Variants in DNAH6 observed in about 807,000 individuals in gnomAD.
DNAH6 encodes dynein axonemal heavy chain 6, also known as axonemal beta dynein heavy chain 6.
DNAH6 carries 340 observed loss-of-function variants against 491.4 expected under a neutral mutation model. The ratio of observed to expected loss-of-function variants is 0.69; its 90% CI spans 0.63 to 0.76. The LOEUF (loss-of-function observed/expected upper bound fraction) is 0.76, where lower values mean the gene tolerates loss of function less well. Ranked by LOEUF, DNAH6 falls within the 30% of genes least tolerant of loss-of-function variation. The pLI, the probability that DNAH6 is intolerant of heterozygous loss-of-function variation, is 0.00. For missense variants in DNAH6, 4,443 were observed against 4,972.2 expected (o/e 0.89, Z 3.20); for synonymous variants, 1,603 against 1,686.1 (o/e 0.95, Z 1.21).
intron 71 of DNAH6, among the ~76,000 whole-genome samples, chr2:84,806,215 A>G (rs1192368): frequency 1.3e-5 from 2 of 152,090 alleles, no homozygotes; most frequent in African/African-American, 4.8e-5. Context: ...ATAGAGAACA[A>G]TTCCACTAAA....
At chr2:84,610,825 CTGA>C (rs1187129629) in intron 21 of DNAH6, among the ~76,000 whole-genome samples, 1 of 152,198 alleles carries the variant, frequency 6.6e-6, no homozygotes, top group Non-Finnish European at 1.5e-5. Flanking sequence ...GCCTTCTGGA[CTGA>C]TGATTGAGCC....
In DNAH6 at chr2:84,813,975, T is replaced by G; in HGVS notation, c.12003T>G (p.Thr4001=). The G allele has an allele frequency of 6.4e-7, 1 of 1,551,730 alleles. No individual in the cohort carries two copies. The highest frequency in any genetic ancestry group is 8.7e-7 in the Non-Finnish European group (1 of 1,146,994). The change falls in exon 75 of 77, where the codon ACT becomes ACG. Residue 4001 remains threonine, a synonymous_variant. Coordinates refer to ENST00000389394, the MANE Select transcript of DNAH6 (RefSeq NM_001370.2). ...FFFPQGFLTG[T]LQNHARKYNL... ...TTCCGATTTTCACAATTACAGGAAC[T>G]CTTCAAAATCATGCTCGAAAATACA...
At chr2:84,623,922 A>G (rs1397070234) in intron 26 of DNAH6, among the ~76,000 whole-genome samples, 1 of 152,182 alleles carries the variant, frequency 6.6e-6, no homozygotes, top group Non-Finnish European at 1.5e-5. Flanking sequence ...ACTCTCCTCT[A>G]GAGAATCATC....
the DNAH6 span, among the ~76,000 whole-genome samples, chr2:84,468,440 T>C: frequency 6.6e-6 from 1 of 152,216 alleles, no homozygotes; most frequent in East Asian, 1.9e-4. Flanking sequence ...AGCTTGAATA[T>C]CTGTTTTTAA....
rs1056202763 is a variant in DNAH6 at position 84,756,645 on chromosome 2, A to G, written c.10513-6110A>G. 7.9e-5 allele frequency among the ~76,000 whole-genome samples: 12 copies of G among 152,326 alleles called. 1 individual carries two copies. The highest frequency in any genetic ancestry group is 5.9e-4 in the Admixed American group (9 of 15,300). ...TCCTTATTCCCAAATATTTAAACTT[A>G]TCTTCTCATCCAAAGAAAACACAGA... On this transcript the variant is annotated intron_variant, in intron 63 of 76. Coordinates refer to ENST00000389394, the MANE Select transcript of DNAH6 (RefSeq NM_001370.2).
At chr2:84,638,051 G>A (rs1689037938) in intron 31 of DNAH6, among the ~76,000 whole-genome samples, 2 of 151,952 alleles carry the variant, frequency 1.3e-5, no homozygotes, top group African/African-American at 2.4e-5. Context: ...GCAATGTGGT[G>A]AAATCCCGTC....
intron 61 of DNAH6, among the ~76,000 whole-genome samples, chr2:84,731,706 G>T (rs1699132520): frequency 6.6e-6 from 1 of 152,196 alleles, no homozygotes; most frequent in African/African-American, 2.4e-5. Context: ...AGTTTGTAGT[G>T]AAAAGCAATT....
At chr2:84,641,218 T>G (rs1373804530) in intron 32 of DNAH6, among the ~76,000 whole-genome samples, 5 of 152,200 alleles carry the variant, frequency 3.3e-5, no homozygotes, top group African/African-American at 1.2e-4. Flanking sequence ...GTCCTTCCTC[T>G]CAGGCCATGA....
rs552064572 is a variant in DNAH6 at position 84,624,807 on chromosome 2, T to C, written c.4354-95T>C. ...TGTATTTCAATTGCTATATTTTTCA[T>C]AGAAAATAATAATCCTTCCCCCATA... On this transcript the variant is annotated intron_variant, in intron 28 of 76. Transcript: ENST00000389394. 1.9e-4 allele frequency: 254 copies of C among 1,337,784 alleles called. 2 individuals are homozygous for C. In the East Asian group the frequency reaches 6.0e-3, roughly 32 times the overall value. The allele number at this position is 1,337,784 out of a possible 1,614,324, so 82.9% of individuals were successfully genotyped here.
Position 84,594,068 on chromosome 2 carries a change from C to T in DNAH6, c.2707C>T (p.Gln903Ter). 1 of 1,544,946 alleles carries T rather than the reference C, an allele frequency of 6.5e-7. No homozygotes were observed. The highest frequency in any genetic ancestry group is 8.8e-7 in the Non-Finnish European group (1 of 1,141,810). Residue 903 changes from glutamine to a stop codon, truncating the protein, a stop_gained, in exon 17 of 77, where the codon CAA becomes TAA. Coordinates refer to ENST00000389394, the MANE Select transcript of DNAH6 (RefSeq NM_001370.2). LOFTEE classifies it high-confidence loss of function. ...WDSFSEWDKL[Q>*]QEWLKSKFDC... ...TTCTTTCTCTGAATGGGATAAACTC[C>T]AACAAGAATGGTTAAAGGTAGGGGA...
intron 9 of DNAH6, among the ~76,000 whole-genome samples, chr2:84,551,697 C>T (rs1050168744): frequency 5.3e-5 from 8 of 152,128 alleles, no homozygotes; most frequent in Admixed American, 2.0e-4. Context: ...GCTTTTGATA[C>T]GTACACACTG....
At position 84,544,280 on chromosome 2, in the gene DNAH6, G is replaced by C; in HGVS notation, c.710G>C (p.Ser237Thr). The change falls in exon 5 of 77, where the codon AGC (serine) becomes ACC (threonine). Residue 237 changes from serine (S) to threonine (T), a missense_variant. By Grantham distance (58) the Ser-to-Thr change is moderately conservative. This residue lies in a region of DNAH6 where 2,977 missense variants were observed against 3,296.6 expected (regional missense o/e 0.90). Coordinates refer to ENST00000389394, the MANE Select transcript of DNAH6 (RefSeq NM_001370.2). ...AATAAAAATGACTACTATACTATTA[G>C]CCAAAGGGCAGTAACACACATTTAT... ...NINKNDYYTI[S>T]QRAVTHIYNE... 6.6e-7 allele frequency: 1 copy of C among 1,517,894 alleles called. No homozygotes were observed. The highest frequency in any genetic ancestry group is 1.2e-5 in the South Asian group (1 of 83,074). The allele number at this position is 1,517,894 out of a possible 1,614,324, so 94.0% of individuals were successfully genotyped here.
intron 33 of DNAH6, among the ~76,000 whole-genome samples, chr2:84,642,422 C>T (rs72922755): frequency 0.072 from 10,873 of 152,014 alleles, 420 homozygotes; most frequent in Middle Eastern, 0.15. Context: ...CATTTCTCCA[C>T]GTTATACATG....
chr2:84,791,477 A>C (rs1225910780), intron 68 of DNAH6, among the ~76,000 whole-genome samples: 1 of 151,912 alleles, frequency 6.6e-6, no homozygotes, highest in Non-Finnish European at 1.5e-5. Context: ...CAGACGAGTC[A>C]AGCCTATAGA....
At chr2:84,637,436 G>T (rs954879021) in intron 31 of DNAH6, 59 bp downstream of exon 31, 4 of 1,452,388 alleles carry the variant, frequency 2.8e-6, no homozygotes, top group Non-Finnish European at 3.6e-6. Context: ...TTTACCATTC[G>T]ATTCTATCAA....
At chr2:84,690,453 G>A (rs137920255) in intron 45 of DNAH6, among the ~76,000 whole-genome samples, 1 of 152,228 alleles carries the variant, frequency 6.6e-6, no homozygotes, top group East Asian at 1.9e-4. Context: ...GCTCAGGCAG[G>A]CCCTAAGCCT....
At chr2:84,739,183 G>C (rs1337811415) in intron 62 of DNAH6, among the ~76,000 whole-genome samples, 1 of 152,134 alleles carries the variant, frequency 6.6e-6, no homozygotes, top group Non-Finnish European at 1.5e-5. Flanking sequence ...TGACTTGTAA[G>C]GTTTGTGCTG....
At position 84,584,116 on chromosome 2, in the gene DNAH6, A is replaced by G. The variant is rs201519849; in HGVS notation, c.2347A>G (p.Ile783Val). The change falls in exon 15 of 77, where the codon ATT becomes GTT. Residue 783 changes from isoleucine (I) to valine (V), a missense_variant. Around this residue, in one of 3 missense-constraint regions of DNAH6, gnomAD observed 2,977 missense variants for 3,296.6 expected, o/e 0.90. Transcript: ENST00000389394. ...TGTTTTTGCAACTATGAAGCCATCC[A>G]TTGTTGCTGTTCGGAATGCCATTGA... ...FAVFATMKPS[I>V]VAVRNAIDKS... 5.0e-6 allele frequency: 8 copies of G among 1,614,084 alleles called. No homozygotes were observed. Among genetic ancestry groups the G allele is most frequent in the Middle Eastern group, 1.6e-4 (1 of 6,084 alleles).
chr2:84,684,828 A>G (rs1039420249), intron 42 of DNAH6, among the ~76,000 whole-genome samples: 17 of 152,210 alleles, frequency 1.1e-4, no homozygotes, highest in African/African-American at 4.1e-4. Context: ...AATTTACACT[A>G]ATGAAATGAG....
Sources: gnomAD v4.1 joint callset for allele counts (sites outside exome capture counted in the v4.1 genomes callset) on GRCh38, gnomAD v4.1.1 for gene constraint, gnomAD v4.1.1 regional missense constraint, MANE v1.5 for transcripts, NCBI Gene and HGNC (gene_info 2026-07-23, HGNC 2026-07-21) for gene names.